The following SNTG1 variants were observed in gnomAD, a reference collection of about 807,000 sequenced individuals.
The protein encoded by SNTG1 is syntrophin gamma 1.
In SNTG1, 39 loss-of-function variants were observed where a neutral mutation model predicts 74.7. The ratio of observed to expected loss-of-function variants is 0.52; its 90% CI spans 0.40 to 0.68. The LOEUF is 0.68. SNTG1 is among the 30% of genes least tolerant of loss of function. The pLI is 0.00. For missense variants in SNTG1, 685 were observed against 609.5 expected (o/e 1.12, Z -1.30); for synonymous variants, 254 against 217.1 (o/e 1.17, Z -1.49).
At chr8:50,593,466 T>A (rs1367000664) in intron 13 of SNTG1, among the ~76,000 whole-genome samples, 2 of 151,778 alleles carry the variant, frequency 1.3e-5, no homozygotes, top group East Asian at 1.9e-4. Flanking sequence ...GAAATCAAAA[T>A]CATAAGACAA....
At chr8:50,454,954 G>A (rs764563798) in intron 8 of SNTG1, among the ~76,000 whole-genome samples, 22 of 151,468 alleles carry the variant, frequency 1.5e-4, no homozygotes, top group Non-Finnish European at 2.1e-4. Context: ...ACTGTATATC[G>A]CTGTAACCTT....
intron 2 of SNTG1, among the ~76,000 whole-genome samples, chr8:50,312,790 G>A (rs2090165918): frequency 6.7e-6 from 1 of 149,788 alleles, no homozygotes; most frequent in East Asian, 2.0e-4. Flanking sequence ...CAACTATAAG[G>A]TTCTTCACTG....
intron 1 of SNTG1, among the ~76,000 whole-genome samples, chr8:50,167,855 T>G (rs1326540125): frequency 1.3e-5 from 2 of 150,872 alleles, no homozygotes; most frequent in Non-Finnish European, 3.0e-5. Context: ...AAGAATAAAG[T>G]AAATTTGTTT....
At chr8:50,003,767 T>C (rs1450410631) in intron 1 of SNTG1, among the ~76,000 whole-genome samples, 2 of 152,152 alleles carry the variant, frequency 1.3e-5, no homozygotes, top group Admixed American at 6.6e-5. Context: ...GGAATAAAAA[T>C]GATTTGGTCA....
At chr8:49,949,272 G>A (rs1234176078) in intron 1 of SNTG1, among the ~76,000 whole-genome samples, 2 of 152,146 alleles carry the variant, frequency 1.3e-5, no homozygotes, top group African/African-American at 4.8e-5. Flanking sequence ...CACAAGAATC[G>A]ATGTCATCAT....
At chr8:50,597,078 C>T (rs1372214211) in intron 13 of SNTG1, among the ~76,000 whole-genome samples, 4 of 151,826 alleles carry the variant, frequency 2.6e-5, no homozygotes, top group African/African-American at 9.7e-5. Flanking sequence ...CACTCTTCCC[C>T]TCCCTAGCCT....
chr8:49,936,159 A>G (rs904740686), intron 1 of SNTG1, among the ~76,000 whole-genome samples: 1 of 152,234 alleles, frequency 6.6e-6, no homozygotes, highest in African/African-American at 2.4e-5. Flanking sequence ...ACTAGTGGAT[A>G]TAATTTAAAG....
At chr8:50,204,454 A>G (rs753691793) in intron 2 of SNTG1, among the ~76,000 whole-genome samples, 20 of 150,914 alleles carry the variant, frequency 1.3e-4, no homozygotes, top group Non-Finnish European at 2.4e-4. Flanking sequence ...TGGACTAGAT[A>G]TCTTCCAAAT....
At chr8:50,601,241 T>G in intron 13 of SNTG1, among the ~76,000 whole-genome samples, 1 of 151,826 alleles carries the variant, frequency 6.6e-6, no homozygotes, top group Non-Finnish European at 1.5e-5. Flanking sequence ...TTGGCTTTGT[T>G]TTTTATGTAG....
intron 2 of SNTG1, among the ~76,000 whole-genome samples, chr8:50,245,825 T>G (rs1052888496): frequency 6.6e-6 from 1 of 152,158 alleles, no homozygotes; most frequent in Admixed American, 6.5e-5. Flanking sequence ...ACTATAGTGA[T>G]GAGAATATTC....
intron 13 of SNTG1, among the ~76,000 whole-genome samples, chr8:50,637,676 A>T (rs1245616297): frequency 1.3e-5 from 2 of 152,112 alleles, no homozygotes; most frequent in Admixed American, 6.6e-5. Context: ...TATCTTATTG[A>T]TGAAGGAAAG....
chr8:50,206,454 A>G (rs1290646530), intron 2 of SNTG1, among the ~76,000 whole-genome samples: 1 of 152,194 alleles, frequency 6.6e-6, no homozygotes, highest in Non-Finnish European at 1.5e-5. Flanking sequence ...TATCAGCTTA[A>G]GGAGATTTTA....
At chr8:49,980,357 AG>A (rs1296253120) in intron 1 of SNTG1, among the ~76,000 whole-genome samples, 1 of 151,888 alleles carries the variant, frequency 6.6e-6, no homozygotes, top group African/African-American at 2.4e-5. Flanking sequence ...TGGTAGCTTC[AG>A]CTGTAGCAGA....
chr8:50,455,664 T>G (rs1425144624), intron 8 of SNTG1, among the ~76,000 whole-genome samples: 1 of 152,206 alleles, frequency 6.6e-6, no homozygotes, highest in Non-Finnish European at 1.5e-5. Context: ...TACTTTAGAT[T>G]AATCAGACAG....
chr8:50,720,217 T>C (rs753629102), intron 17 of SNTG1, among the ~76,000 whole-genome samples: 8 of 152,230 alleles, frequency 5.3e-5, no homozygotes, highest in Middle Eastern at 3.2e-3. Flanking sequence ...ACTATCTAAA[T>C]AAATCCAGAT....
At chr8:50,480,592 T>C (rs2093732173) in intron 8 of SNTG1, among the ~76,000 whole-genome samples, 1 of 152,196 alleles carries the variant, frequency 6.6e-6, no homozygotes. Context: ...TAGTATTGTC[T>C]TTTGGCGTGA....
intron 8 of SNTG1, among the ~76,000 whole-genome samples, chr8:50,500,907 G>A (rs1040101391): frequency 6.6e-6 from 1 of 152,068 alleles, no homozygotes; most frequent in Admixed American, 6.6e-5. Flanking sequence ...CCTTGGAGCA[G>A]GTCTATCTTT....
chr8:50,589,642 G>A (rs1393154088), intron 12 of SNTG1, among the ~76,000 whole-genome samples: 3 of 149,174 alleles, frequency 2.0e-5, no homozygotes, highest in African/African-American at 7.4e-5. Context: ...CATTATTGAA[G>A]ACAAGGGCCC....
At chr8:50,550,693 G>GTGTATATATATATATATATATATATA (rs1554571332) in intron 11 of SNTG1, among the ~76,000 whole-genome samples, 5 of 149,028 alleles carry the variant, frequency 3.4e-5, no homozygotes, top group African/African-American at 7.5e-5. Flanking sequence ...TAGTGTGTGT[G>GTGTATATATATATATATATATATATA]TATATATATA....
Sources: allele counts gnomAD v4.1 joint callset (sites outside exome capture counted in the v4.1 genomes callset), GRCh38; gene constraint gnomAD v4.1.1; transcripts MANE v1.5; gene names NCBI Gene and HGNC (gene_info 2026-07-23, HGNC 2026-07-21).